TMCO4: variants seen among roughly 807,000 people sequenced by gnomAD.
The protein encoded by TMCO4 is transmembrane and coiled-coil domains 4, also known as transmembrane and coiled-coil domain-containing protein 4.
In TMCO4, 58 loss-of-function variants were observed where a neutral mutation model predicts 64.7. The observed-to-expected ratio is 0.90, with a 90% CI of 0.73 to 1.12. TMCO4 has a LOEUF of 1.12. Among genes scored for constraint, TMCO4 ranks in the 50% most tolerant of loss-of-function variants. The probability of loss-of-function intolerance (pLI) is 0.00; values close to 1 mark genes in which losing one functional copy is unlikely to be tolerated. For missense variants in TMCO4, 780 were observed against 825.9 expected (o/e 0.94, Z 0.68); for synonymous variants, 325 against 346.1 (o/e 0.94, Z 0.68).
rs762467827 is a variant in TMCO4, at chr1:19,682,586, G to A, written c.*454C>T. 1.4e-6 allele frequency: 1 copy of A among 715,656 alleles called. No individual in the cohort carries two copies. Among genetic ancestry groups the A allele is most frequent in the Non-Finnish European group, 2.6e-6 (1 of 383,924 alleles). The allele number at this position is 715,656 out of a possible 1,614,324, so 44.3% of individuals were successfully genotyped here. A position where few individuals can be genotyped will look rare whatever the true frequency, so the allele number is the denominator to read the frequency against. On this transcript the variant is annotated 3_prime_UTR_variant, in exon 16 of 16. Coordinates refer to ENST00000294543, the MANE Select transcript of TMCO4 (RefSeq NM_181719.7). ...GTTGATGGTGCCTGTCAGCTGGTGG[G>A]CAGCCCTGGAGTGTGGATGGAAGAA...
chr1:19,683,066 G>C lies in TMCO4; in HGVS notation c.1879C>G (p.Gln627Glu), dbSNP rs377698558. 33 of 1,597,470 alleles carry C rather than the reference G, an allele frequency of 2.1e-5. No individual in the cohort carries two copies. In the African/African-American group the frequency reaches 4.0e-4, roughly 20 times the overall value. Residue 627 changes from glutamine to glutamate, a missense_variant, in exon 16 of 16, where the codon CAG (glutamine) becomes GAG (glutamate). Physicochemically the swap from Gln to Glu is conservative, Grantham distance 29. Coordinates refer to ENST00000294543, the MANE Select transcript of TMCO4 (RefSeq NM_181719.7). Reference sequence around the variant, plus strand: ...CAGTCCAGCCCCGTGCTGGGGCCCTGGGTCTTGCAGGCACAATCGGGGCAG... The same window carrying C: ...CAGTCCAGCCCCGTGCTGGGGCCCTCGGTCTTGCAGGCACAATCGGGGCAG... Reference protein sequence around the residue: ...LGCPDCACKTQGPSTGLD With the variant: ...LGCPDCACKTEGPSTGLD
chr1:19,688,630 G>A (rs2095168319), intron 15 of TMCO4, among the ~76,000 whole-genome samples: 1 of 152,204 alleles, frequency 6.6e-6, no homozygotes, highest in Admixed American at 6.5e-5. Context: ...TGTGAATGCA[G>A]GCAGTACTGA....
chr1:19,704,792 C>G (rs1168206187), intron 13 of TMCO4, among the ~76,000 whole-genome samples: 2 of 152,162 alleles, frequency 1.3e-5, no homozygotes, highest in Non-Finnish European at 2.9e-5. Context: ...TTCAGGAAAA[C>G]CTAAAAAGGG....
At chr1:19,688,947 C>G (rs1246920149) in intron 15 of TMCO4, among the ~76,000 whole-genome samples, 3 of 152,138 alleles carry the variant, frequency 2.0e-5, no homozygotes, top group Non-Finnish European at 4.4e-5. Flanking sequence ...CCTGGGGTGG[C>G]AAATCCCCCA....
At chr1:19,773,242 G>T (rs551401043) in intron 4 of TMCO4, among the ~76,000 whole-genome samples, 2 of 152,074 alleles carry the variant, frequency 1.3e-5, no homozygotes, top group South Asian at 2.1e-4. Context: ...CCACTGTTAC[G>T]GTCGGGTTCC....
chr1:19,769,563 T>C (rs2042891162), intron 6 of TMCO4, among the ~76,000 whole-genome samples: 2 of 152,228 alleles, frequency 1.3e-5, no homozygotes, highest in African/African-American at 4.8e-5. Flanking sequence ...GTTTGGAGGA[T>C]GCTGGCAATT....
intron 6 of TMCO4, among the ~76,000 whole-genome samples, chr1:19,765,224 A>G (rs777422177): frequency 3.3e-5 from 5 of 152,182 alleles, no homozygotes; most frequent in Admixed American, 6.5e-5. Context: ...TGGGCTACTC[A>G]CTTAACCTGC....
intron 13 of TMCO4, among the ~76,000 whole-genome samples, chr1:19,726,092 G>A (rs1250356233): frequency 6.6e-6 from 1 of 152,222 alleles, no homozygotes; most frequent in Non-Finnish European, 1.5e-5. Context: ...CCTGAGCCAG[G>A]GGCTGGTGAC....
At chr1:19,714,194 C>T (rs902151229) in intron 13 of TMCO4, among the ~76,000 whole-genome samples, 2 of 152,234 alleles carry the variant, frequency 1.3e-5, no homozygotes, top group East Asian at 1.9e-4. Context: ...ACCTTGGCCT[C>T]CCAAAGTGCT....
chr1:19,696,033 A>G (rs1273033313), intron 14 of TMCO4, among the ~76,000 whole-genome samples: 1 of 151,880 alleles, frequency 6.6e-6, no homozygotes, highest in East Asian at 1.9e-4. Flanking sequence ...GATGAATGCG[A>G]CGGCCTCTGC....
rs773673291 is a variant in TMCO4, at chr1:19,745,620, A to C, written c.789T>G (p.Ile263Met). ...GYKMKKRVGAIEEFTFLPLTE... is the reference protein window; with the variant it reads ...GYKMKKRVGAMEEFTFLPLTE... Reference sequence around the variant, plus strand: ...TCAGAGGCAGAAACGTGAACTCTTCAATGGCTCCCACTCGCTTCTTCATCT... The same window carrying C: ...TCAGAGGCAGAAACGTGAACTCTTCCATGGCTCCCACTCGCTTCTTCATCT... Residue 263 changes from isoleucine (I) to methionine (M), a missense_variant, in exon 10 of 16, where the codon ATT (isoleucine) becomes ATG (methionine). By Grantham distance (10) the Ile-to-Met change is conservative. Transcript: ENST00000294543. The C allele has an allele frequency of 1.9e-6, 3 of 1,613,524 alleles. No homozygotes were observed. The South Asian group carries it at 3.3e-5, about 18-fold the overall frequency.
At chr1:19,776,679 C>A (rs1322736746) in intron 4 of TMCO4, among the ~76,000 whole-genome samples, 2 of 152,146 alleles carry the variant, frequency 1.3e-5, no homozygotes, top group Non-Finnish European at 2.9e-5. Flanking sequence ...AACAGTAATT[C>A]CCCAGCCCCT....
chr1:19,758,067 C>T (rs2042342580), intron 6 of TMCO4, among the ~76,000 whole-genome samples: 1 of 152,204 alleles, frequency 6.6e-6, no homozygotes, highest in Non-Finnish European at 1.5e-5. Context: ...TTCCTGAGTT[C>T]TGGTATAGGG....
At chr1:19,798,623 T>C (rs10917543) in intron 1 of TMCO4, among the ~76,000 whole-genome samples, 6,485 of 152,294 alleles carry the variant, frequency 0.043, 300 homozygotes, top group African/African-American at 0.12. Flanking sequence ...CCCATCTCTG[T>C]CTGATGCTGC....
chr1:19,733,841 A>G (rs115005884), intron 13 of TMCO4, among the ~76,000 whole-genome samples: 3,773 of 152,078 alleles, frequency 0.025, 131 homozygotes, highest in African/African-American at 0.087. Flanking sequence ...CTCCAGCCAG[A>G]CTGCCTGCTC....
chr1:19,745,050 G>A (rs1219954829), intron 10 of TMCO4, among the ~76,000 whole-genome samples: 1 of 151,924 alleles, frequency 6.6e-6, no homozygotes, highest in Non-Finnish European at 1.5e-5. Context: ...ACAGACAGGT[G>A]GGTGGGTGGA....
intron 13 of TMCO4, among the ~76,000 whole-genome samples, chr1:19,716,142 C>T: frequency 6.7e-6 from 1 of 148,504 alleles, no homozygotes; most frequent in Non-Finnish European, 1.5e-5. Flanking sequence ...AATAGTGAGA[C>T]CTCTTCTCTA....
At chr1:19,778,084 G>T (rs927576171) in intron 4 of TMCO4, among the ~76,000 whole-genome samples, 5 of 152,068 alleles carry the variant, frequency 3.3e-5, no homozygotes, top group African/African-American at 1.2e-4. Flanking sequence ...ATCCTAAGTG[G>T]TAGGAGTAAG....
At chr1:19,733,338 A>G (rs938223063) in intron 13 of TMCO4, among the ~76,000 whole-genome samples, 2 of 152,062 alleles carry the variant, frequency 1.3e-5, no homozygotes, top group Admixed American at 1.3e-4. Flanking sequence ...ACTCCCTTCT[A>G]CCCTCAAATG....
Sources: gnomAD v4.1 joint callset for allele counts (sites outside exome capture counted in the v4.1 genomes callset) on GRCh38, gnomAD v4.1.1 for gene constraint, MANE v1.5 for transcripts, NCBI Gene and HGNC (gene_info 2026-07-23, HGNC 2026-07-21) for gene names.